ACER2: variants seen among roughly 807,000 people sequenced by gnomAD.
The protein encoded by ACER2 is alkCDase 2.
ACER2 carries 26 observed loss-of-function variants against 34.7 expected under a neutral mutation model. The ratio of observed to expected loss-of-function variants is 0.75; its 90% CI spans 0.55 to 1.04. The LOEUF (loss-of-function observed/expected upper bound fraction) is 1.04. ACER2 is among the 50% of genes least tolerant of loss of function. ACER2 has a pLI of 0.00. For missense variants in ACER2, 352 were observed against 340.8 expected (o/e 1.03, Z -0.26); for synonymous variants, 138 against 132.1 (o/e 1.04, Z -0.31).
chr9:19,450,477 C>T lies in ACER2; in HGVS notation c.669C>T (p.Tyr223=), dbSNP rs1831528451. 3 of 1,607,606 alleles carry T rather than the reference C, an allele frequency of 1.9e-6. No homozygotes were observed. Among genetic ancestry groups the T allele is most frequent in the Non-Finnish European group, 2.6e-6 (3 of 1,174,812 alleles). Reference sequence around the variant, plus strand: ...ACATCCTCATCTGCCTTGCTGCCTACCTGGGCTGTGTATGCTTTGCCTACT... The same window carrying T: ...ACATCCTCATCTGCCTTGCTGCCTATCTGGGCTGTGTATGCTTTGCCTACT... ...MWHILICLAA[Y]LGCVCFAYFD... Residue 223 remains tyrosine (Y), a synonymous_variant, in exon 6 of 6, where the codon TAC becomes TAT. Coordinates refer to ENST00000340967, the MANE Select transcript of ACER2 (RefSeq NM_001010887.3).
chr9:19,428,353 A>T (rs895738373), intron 3 of ACER2, among the ~76,000 whole-genome samples: 1 of 151,790 alleles, frequency 6.6e-6, no homozygotes, highest in Non-Finnish European at 1.5e-5. Flanking sequence ...TTTTTAGTAG[A>T]GACGGGGTTT....
intron 3 of ACER2, among the ~76,000 whole-genome samples, chr9:19,427,824 G>A (rs1197138894): frequency 2.0e-5 from 3 of 150,610 alleles, no homozygotes; most frequent in Admixed American, 2.0e-4. Flanking sequence ...CCGCCACCAC[G>A]CCTGGCTAAT....
At chr9:19,417,114 C>G (rs1041785760) in intron 1 of ACER2, among the ~76,000 whole-genome samples, 2 of 152,098 alleles carry the variant, frequency 1.3e-5, no homozygotes, top group Non-Finnish European at 2.9e-5. Context: ...AAGTGAACTC[C>G]CATTCACAAT....
intron 4 of ACER2, among the ~76,000 whole-genome samples, chr9:19,443,168 C>A (rs1414556926): frequency 6.6e-6 from 1 of 152,174 alleles, no homozygotes; most frequent in Non-Finnish European, 1.5e-5. Context: ...GTAGCTGGGA[C>A]TTCAGGTGCC....
intron 3 of ACER2, 36 bp downstream of exon 3, chr9:19,424,877 A>G: frequency 6.2e-7 from 1 of 1,613,636 alleles, no homozygotes; most frequent in South Asian, 1.1e-5. Flanking sequence ...ATTTACCACT[A>G]GGTGCAGTAC....
chr9:19,414,615 T>G (rs1238830634), intron 1 of ACER2, among the ~76,000 whole-genome samples: 1 of 152,154 alleles, frequency 6.6e-6, no homozygotes, highest in African/African-American at 2.4e-5. Context: ...CTGAGCCACA[T>G]GGCAAAACCC....
intron 3 of ACER2, among the ~76,000 whole-genome samples, chr9:19,426,391 T>TCC (rs907492755): frequency 4.3e-5 from 6 of 140,108 alleles, no homozygotes; most frequent in African/African-American, 8.3e-5. Context: ...TCTCTCTCTC[T>TCC]CCTCCTTTCC....
intron 1 of ACER2, among the ~76,000 whole-genome samples, chr9:19,418,653 A>G (rs778480925): frequency 3.9e-5 from 6 of 152,140 alleles, no homozygotes; most frequent in Non-Finnish European, 8.8e-5. Flanking sequence ...ACGAGAACAC[A>G]TGGACACAGG....
chr9:19,450,617 C>T lies in ACER2; in HGVS notation c.809C>T (p.Ser270Leu). 6.3e-7 allele frequency: 1 copy of T among 1,574,912 alleles called. No individual in the cohort carries two copies. Among genetic ancestry groups the T allele is most frequent in the Non-Finnish European group, 8.7e-7 (1 of 1,149,410 alleles). Reference protein sequence around the residue: ...YVSLLCANKKSSVKIT With the variant: ...YVSLLCANKKLSVKIT ...TCCCTCCTGTGTGCCAACAAGAAAT[C>T]ATCAGTCAAGATCACGTGATGGCAA... Residue 270 changes from serine to leucine, a missense_variant, in exon 6 of 6, where the codon TCA becomes TTA. By Grantham distance (145) the Ser-to-Leu change is moderately radical. Transcript: ENST00000340967.
At chr9:19,449,823 C>G (rs1242757055) in intron 5 of ACER2, among the ~76,000 whole-genome samples, 1 of 146,526 alleles carries the variant, frequency 6.8e-6, no homozygotes, top group Admixed American at 7.0e-5. Context: ...ACCCAGGAGG[C>G]AGAGGTTGCA....
chr9:19,440,003 C>T (rs185375289), intron 4 of ACER2, among the ~76,000 whole-genome samples: 99 of 152,100 alleles, frequency 6.5e-4, no homozygotes, highest in Non-Finnish European at 1.3e-3. Flanking sequence ...TCCCTTTATC[C>T]CTTACCTCTC....
intron 4 of ACER2, among the ~76,000 whole-genome samples, chr9:19,445,965 G>T (rs560962682): frequency 8.5e-5 from 13 of 152,332 alleles, no homozygotes; most frequent in African/African-American, 1.2e-4. Flanking sequence ...GTGAGAAGGA[G>T]AAAGATTGGG....
chr9:19,438,721 G>A (rs1007511250), intron 4 of ACER2, among the ~76,000 whole-genome samples: 8 of 152,208 alleles, frequency 5.3e-5, no homozygotes, highest in African/African-American at 1.2e-4. Flanking sequence ...ACTCTTGAGT[G>A]TAATAATATG....
intron 4 of ACER2, 84 bp from the exon 5 acceptor site, chr9:19,446,197 C>A: frequency 6.3e-7 from 1 of 1,597,718 alleles, no homozygotes; most frequent in Non-Finnish European, 8.6e-7. Flanking sequence ...TGAGAGGAAC[C>A]AGCGAAGGAG....
intron 4 of ACER2, among the ~76,000 whole-genome samples, chr9:19,439,620 T>G (rs1015960101): frequency 6.6e-6 from 1 of 152,126 alleles, no homozygotes; most frequent in African/African-American, 2.4e-5. Flanking sequence ...CTAATCCACA[T>G]CCACATCTCT....
intron 5 of ACER2, among the ~76,000 whole-genome samples, chr9:19,447,556 G>A (rs1251933166): frequency 1.3e-5 from 2 of 151,902 alleles, no homozygotes; most frequent in South Asian, 2.1e-4. Flanking sequence ...ATATTTGTTG[G>A]GTTATAATTT....
At chr9:19,439,705 T>A (rs983726184) in intron 4 of ACER2, among the ~76,000 whole-genome samples, 1 of 152,194 alleles carries the variant, frequency 6.6e-6, no homozygotes, top group Non-Finnish European at 1.5e-5. Flanking sequence ...TGGTGGCTCA[T>A]GCCTGTAATC....
At chr9:19,418,682 C>A (rs775322539) in intron 1 of ACER2, among the ~76,000 whole-genome samples, 1 of 152,056 alleles carries the variant, frequency 6.6e-6, no homozygotes, top group Non-Finnish European at 1.5e-5. Flanking sequence ...CATCACACAC[C>A]GGGGCCTTTT....
At chr9:19,434,298 C>G (rs1327464949) in intron 3 of ACER2, among the ~76,000 whole-genome samples, 2 of 150,102 alleles carry the variant, frequency 1.3e-5, no homozygotes, top group Non-Finnish European at 3.0e-5. Context: ...ACTGGGCAGC[C>G]AGGCAGAGGG....
Sources: allele counts gnomAD v4.1 joint callset (sites outside exome capture counted in the v4.1 genomes callset), GRCh38; gene constraint gnomAD v4.1.1; transcripts MANE v1.5; gene names NCBI Gene and HGNC (gene_info 2026-07-23, HGNC 2026-07-21).